Variants in HIPK2 observed in about 807,000 individuals in gnomAD.
HIPK2 encodes homeodomain-interacting protein kinase 2.
In HIPK2, 27 loss-of-function variants were observed where a neutral mutation model predicts 113.7. The observed-to-expected ratio is 0.24, with a 90% CI of 0.17 to 0.33. The LOEUF is 0.33. Among genes scored for constraint, HIPK2 ranks in the 10% least tolerant of loss-of-function variants. The pLI, the probability that HIPK2 is intolerant of heterozygous loss-of-function variation, is 1.00. For synonymous variants in HIPK2, 631 were observed against 642.2 expected (o/e 0.98, Z 0.26); for missense variants, 1,257 against 1,588.0 (o/e 0.79, Z 3.54).
intron 6 of HIPK2, among the ~76,000 whole-genome samples, chr7:139,623,482 C>T (rs987812202): frequency 1.4e-5 from 2 of 142,894 alleles, no homozygotes; most frequent in African/African-American, 2.7e-5. Flanking sequence ...CGTACTGCTG[C>T]ACTCCAACCT....
intron 1 of HIPK2, among the ~76,000 whole-genome samples, chr7:139,762,772 G>A (rs76936272): frequency 0.01 from 1,567 of 152,284 alleles, 15 homozygotes; most frequent in Non-Finnish European, 0.015. Context: ...TGATGGTAAC[G>A]GGGTAGAGAA....
chr7:139,768,384 G>A (rs1796587620), intron 1 of HIPK2, among the ~76,000 whole-genome samples: 1 of 152,206 alleles, frequency 6.6e-6, no homozygotes, highest in Admixed American at 6.5e-5. Flanking sequence ...ACAAGAGGCA[G>A]GGCTCAAGTT....
At chr7:139,773,057 T>G (rs1796680002) in intron 1 of HIPK2, among the ~76,000 whole-genome samples, 1 of 152,192 alleles carries the variant, frequency 6.6e-6, no homozygotes, top group Non-Finnish European at 1.5e-5. Context: ...ATTAAGATTT[T>G]GTCATTTCGA....
intron 9 of HIPK2, 66 bp from the exon 10 acceptor site, chr7:139,604,289 ACAC>A: frequency 6.5e-7 from 1 of 1,547,112 alleles, no homozygotes; most frequent in South Asian, 1.2e-5. Context: ...GCATGAACCC[ACAC>A]TTATTCTGTG....
intron 2 of HIPK2, among the ~76,000 whole-genome samples, chr7:139,651,351 C>T (rs1801451658): frequency 6.6e-6 from 1 of 152,154 alleles, no homozygotes; most frequent in Non-Finnish European, 1.5e-5. Flanking sequence ...ACTCTTTGGC[C>T]TGCATAGATA....
intron 2 of HIPK2, among the ~76,000 whole-genome samples, chr7:139,708,799 T>C (rs1794982801): frequency 6.6e-6 from 1 of 152,224 alleles, no homozygotes; most frequent in African/African-American, 2.4e-5. Flanking sequence ...AGTAGCTCTG[T>C]ATGGAGGGCT....
intron 12 of HIPK2, among the ~76,000 whole-genome samples, chr7:139,588,353 A>G (rs1420142499): frequency 1.3e-5 from 2 of 151,080 alleles, no homozygotes; most frequent in Admixed American, 1.3e-4. Flanking sequence ...AAAAAAAAAC[A>G]AAAAAACAAA....
intron 2 of HIPK2, among the ~76,000 whole-genome samples, chr7:139,632,150 T>C (rs1307630810): frequency 6.6e-6 from 1 of 152,216 alleles, no homozygotes. Flanking sequence ...TTTTCTTCTG[T>C]CTATCTAGAG....
intron 5 of HIPK2, among the ~76,000 whole-genome samples, chr7:139,627,825 G>A (rs1217081910): frequency 1.3e-5 from 2 of 152,134 alleles, no homozygotes; most frequent in African/African-American, 2.4e-5. Context: ...ATTTTCTCTG[G>A]GGCACAAAGG....
chr7:139,563,816 G>A lies in HIPK2; in HGVS notation c.*9111C>T. 1 of 398,612 alleles carries A rather than the reference G, an allele frequency of 2.5e-6. No individual in the cohort carries two copies. The highest frequency in any genetic ancestry group is 4.4e-6 in the Non-Finnish European group (1 of 226,074). 24.7% of individuals were successfully genotyped at this position (398,612 alleles called of 1,614,324 possible). On this transcript the variant is annotated 3_prime_UTR_variant, in exon 15 of 15. Coordinates refer to ENST00000406875, the MANE Select transcript of HIPK2 (RefSeq NM_022740.5). The stretch of plus-strand genomic sequence containing the variant: ...ATTTTTTAAAAGCTCCCTGGTCCCA[G>A]GTGTTTTGCAGTTTTCAAGGTCTTA...
At chr7:139,670,549 C>A (rs1390400066) in intron 2 of HIPK2, among the ~76,000 whole-genome samples, 3 of 151,058 alleles carry the variant, frequency 2.0e-5, no homozygotes, top group South Asian at 2.1e-4. Context: ...CCACTGCACT[C>A]CAGCCTGGGT....
Position 139,631,568 on chromosome 7 carries a change from A to G in HIPK2, c.1227+34T>C, listed in dbSNP as rs1800619525. The G allele has an allele frequency of 1.2e-6, 2 of 1,600,508 alleles. No homozygotes were observed. Among genetic ancestry groups the G allele is most frequent in the Non-Finnish European group, 1.7e-6 (2 of 1,172,808 alleles). ...CAGGCTATTTTCCAGATGAAGAATG[A>G]GGTCTTGTGAATATCTGTGTCATCT... On this transcript the variant is annotated intron_variant, in intron 3 of 14. Coordinates refer to ENST00000406875, the MANE Select transcript of HIPK2 (RefSeq NM_022740.5). The surrounding 1 kb of genome is among the most constrained non-coding windows in gnomAD (Gnocchi z 4.9).
rs540793418 is a variant in HIPK2 at position 139,569,929 on chromosome 7, C to G, written c.*2998G>C. The G allele has an allele frequency of 6.6e-6, 1 of 152,056 alleles. No homozygotes were observed. The highest frequency in any genetic ancestry group is 1.9e-4 in the East Asian group (1 of 5,174). The allele number at this position is 152,056 out of a possible 1,614,324, so 9.4% of individuals were successfully genotyped here. ...ACAATGGTAATAAAAATAATTAGTA[C>G]AATAATATTATCTTTATGAGCAGCA... On this transcript the variant is annotated 3_prime_UTR_variant, in exon 15 of 15. Coordinates refer to ENST00000406875, the MANE Select transcript of HIPK2 (RefSeq NM_022740.5).
At chr7:139,596,334 G>A (rs970689069) in intron 12 of HIPK2, among the ~76,000 whole-genome samples, 2 of 152,216 alleles carry the variant, frequency 1.3e-5, no homozygotes, top group African/African-American at 4.8e-5. Context: ...TATTCTGAGT[G>A]AGCCAAGGCA....
chr7:139,763,591 T>C (rs1454308479), intron 1 of HIPK2, among the ~76,000 whole-genome samples: 3 of 148,900 alleles, frequency 2.0e-5, no homozygotes, highest in East Asian at 2.1e-4. Flanking sequence ...GCCTCAAATA[T>C]GCACCACGTG....
chr7:139,648,665 G>A (rs1426445113), intron 2 of HIPK2, among the ~76,000 whole-genome samples: 3 of 152,072 alleles, frequency 2.0e-5, no homozygotes, highest in Admixed American at 6.5e-5. Flanking sequence ...ACTTCCTACC[G>A]AGCAACGCCC....
chr7:139,638,580 G>A (rs555083059), intron 2 of HIPK2, among the ~76,000 whole-genome samples: 2 of 152,074 alleles, frequency 1.3e-5, no homozygotes, highest in Non-Finnish European at 2.9e-5. Context: ...CTAAGAAAGA[G>A]GACTCATTCC....
At chr7:139,730,351 C>T (rs1041841626) in intron 1 of HIPK2, among the ~76,000 whole-genome samples, 23 of 151,536 alleles carry the variant, frequency 1.5e-4, no homozygotes, top group Admixed American at 4.6e-4. Context: ...CATGTCACTG[C>T]AATTTTTTCT....
chr7:139,631,860 C>T lies in HIPK2; in HGVS notation c.1104-135G>A, dbSNP rs1006227459. The T allele has an allele frequency of 5.7e-5, 62 of 1,092,412 alleles. No homozygotes were observed. The East Asian group carries it at 7.1e-4, about 13-fold the overall frequency. 67.7% of individuals were successfully genotyped at this position (1,092,412 alleles called of 1,614,324 possible). A position where few individuals can be genotyped will look rare whatever the true frequency, so the allele number is the denominator to read the frequency against. The stretch of plus-strand genomic sequence containing the variant: ...AAGGGCCTGTGGCTCTCAGGAGAGG[C>T]GCTGTGCTACAACAATCCTTCCATT... On this transcript the variant is annotated intron_variant, in intron 2 of 14. Transcript: ENST00000406875. The surrounding 1 kb of genome is among the most constrained non-coding windows in gnomAD (Gnocchi z 4.9).
Sources: gnomAD v4.1 joint callset for allele counts (sites outside exome capture counted in the v4.1 genomes callset) on GRCh38, gnomAD v4.1.1 for gene constraint, Gnocchi (gnomAD v3.1) non-coding constraint, MANE v1.5 for transcripts, NCBI Gene and HGNC (gene_info 2026-07-23, HGNC 2026-07-21) for gene names.